Variants in SYNDIG1 observed in about 807,000 individuals in gnomAD.
SYNDIG1 encodes the protein synapse differentiation inducing 1, also known as synapse differentiation-inducing gene protein 1.
A neutral mutation model predicts 19.4 loss-of-function variants in SYNDIG1; 9 were observed. The ratio of observed to expected loss-of-function variants is 0.46; its 90% CI spans 0.28 to 0.81. The LOEUF is 0.81. Ranked by LOEUF, SYNDIG1 falls within the 30% of genes least tolerant of loss-of-function variation. The pLI, the probability that SYNDIG1 is intolerant of heterozygous loss-of-function variation, is 0.12. For missense variants in SYNDIG1, 311 were observed against 343.3 expected, an observed-to-expected ratio of 0.91 and a Z score of 0.74; for synonymous variants, 141 against 145.9, an observed-to-expected ratio of 0.97 and a Z score of 0.24.
At chr20:24,477,816 G>C (rs564558460) in intron 1 of SYNDIG1, among the ~76,000 whole-genome samples, 28 of 152,186 alleles carry the variant, frequency 1.8e-4, no homozygotes, top group Non-Finnish European at 3.7e-4. Flanking sequence ...GCTGGGGTGC[G>C]ATGGAGGGGC....
chr20:24,578,029 C>T (rs1004119601), intron 2 of SYNDIG1, among the ~76,000 whole-genome samples: 47 of 152,212 alleles, frequency 3.1e-4, no homozygotes, highest in Admixed American at 2.6e-3. Context: ...AGGCCACAGG[C>T]GAATCCCTCA....
intron 1 of SYNDIG1, among the ~76,000 whole-genome samples, chr20:24,492,324 G>A (rs1215392484): frequency 6.6e-6 from 1 of 152,236 alleles, no homozygotes; most frequent in South Asian, 2.1e-4. Context: ...GCTAAGGGGT[G>A]GCTAGGAGAT....
chr20:24,661,298 G>A lies in SYNDIG1; in HGVS notation c.619-4048G>A, dbSNP rs1202613715. ...CAGAGCAAGTGAGCAGAAGAAAGAA[G>A]GAGGGAGGGAGGAAAGGGGAGGGAG... On this transcript the variant is annotated intron_variant, in intron 3 of 3. Transcript: ENST00000376862. Among the ~76,000 whole-genome samples, 5 of 150,356 alleles carry A rather than the reference G, an allele frequency of 3.3e-5. No homozygotes were observed. The East Asian group carries it at 1.0e-3, about 30-fold the overall frequency.
chr20:24,493,814 A>G (rs2056223554), intron 1 of SYNDIG1, among the ~76,000 whole-genome samples: 2 of 152,192 alleles, frequency 1.3e-5, no homozygotes. Context: ...GAGGGGAGGC[A>G]TGGCCGGGTG....
At chr20:24,605,890 G>A (rs1165692328) in intron 3 of SYNDIG1, among the ~76,000 whole-genome samples, 1 of 152,138 alleles carries the variant, frequency 6.6e-6, no homozygotes, top group African/African-American at 2.4e-5. Flanking sequence ...TTGGACTTAG[G>A]GCTCACCTCC....
chr20:24,637,714 G>C (rs533936142), intron 3 of SYNDIG1, among the ~76,000 whole-genome samples: 1 of 152,362 alleles, frequency 6.6e-6, no homozygotes, highest in African/African-American at 2.4e-5. Context: ...GCAGGCACCA[G>C]TCAAAGGTCC....
At chr20:24,617,940 G>T (rs1257347531) in intron 3 of SYNDIG1, among the ~76,000 whole-genome samples, 1 of 147,730 alleles carries the variant, frequency 6.8e-6, no homozygotes, top group African/African-American at 2.5e-5. Context: ...GGGGAGTGGG[G>T]AGAGCCTGGG....
chr20:24,577,884 G>A (rs943425117), intron 2 of SYNDIG1, among the ~76,000 whole-genome samples: 3 of 152,228 alleles, frequency 2.0e-5, no homozygotes, highest in Admixed American at 2.0e-4. Context: ...TCAGAGGTCA[G>A]GCAGCAGGGC....
At chr20:24,605,657 T>G (rs1290139464) in intron 3 of SYNDIG1, among the ~76,000 whole-genome samples, 1 of 152,226 alleles carries the variant, frequency 6.6e-6, no homozygotes, top group Non-Finnish European at 1.5e-5. Flanking sequence ...AACAAATACA[T>G]CATGTCTGCT....
At chr20:24,605,972 C>T (rs374920898) in intron 3 of SYNDIG1, among the ~76,000 whole-genome samples, 33 of 152,352 alleles carry the variant, frequency 2.2e-4, no homozygotes, top group East Asian at 1.7e-3. Context: ...TAGCATGCCT[C>T]CGACAGTAAA....
chr20:24,503,737 T>TA (rs1172781797), intron 1 of SYNDIG1, among the ~76,000 whole-genome samples: 1 of 152,144 alleles, frequency 6.6e-6, no homozygotes, highest in African/African-American at 2.4e-5. Context: ...CTACAGCTCT[T>TA]ATCTGCAGAA....
chr20:24,577,110 T>C (rs2058242177), intron 2 of SYNDIG1, among the ~76,000 whole-genome samples: 1 of 152,126 alleles, frequency 6.6e-6, no homozygotes, highest in African/African-American at 2.4e-5. Context: ...CAATGTGTGT[T>C]CAAATATGAA....
At chr20:24,646,845 T>C (rs1176862846) in intron 3 of SYNDIG1, among the ~76,000 whole-genome samples, 3 of 152,152 alleles carry the variant, frequency 2.0e-5, no homozygotes, top group African/African-American at 7.2e-5. Context: ...GGTCTCGAAC[T>C]TCTGACCTCA....
chr20:24,655,793 A>T (rs1008741541), intron 3 of SYNDIG1, among the ~76,000 whole-genome samples: 17 of 144,280 alleles, frequency 1.2e-4, no homozygotes, highest in African/African-American at 4.4e-4. Flanking sequence ...AAAAAAAAAG[A>T]CTAGAATGTT....
intron 1 of SYNDIG1, among the ~76,000 whole-genome samples, chr20:24,482,723 A>G (rs866784503): frequency 6.6e-6 from 1 of 152,370 alleles, no homozygotes; most frequent in South Asian, 2.1e-4. Context: ...AATAATGATT[A>G]AATTATTCTA....
intron 1 of SYNDIG1, among the ~76,000 whole-genome samples, chr20:24,500,639 C>A (rs369782757): frequency 6.6e-6 from 1 of 151,830 alleles, no homozygotes; most frequent in Non-Finnish European, 1.5e-5. Context: ...TCGTAAAACC[C>A]AAGCGCACTG....
intron 2 of SYNDIG1, among the ~76,000 whole-genome samples, chr20:24,549,107 AT>A (rs1296891350): frequency 6.6e-6 from 1 of 152,084 alleles, no homozygotes; most frequent in African/African-American, 2.4e-5. Flanking sequence ...TTGAAACTGC[AT>A]AATATATTAT....
intron 3 of SYNDIG1, among the ~76,000 whole-genome samples, chr20:24,604,925 C>T (rs553828461): frequency 4.6e-5 from 7 of 152,222 alleles, no homozygotes; most frequent in South Asian, 4.1e-4. Context: ...TATTTTTTAA[C>T]GTCCTCAGAT....
chr20:24,486,659 A>T (rs185657001), intron 1 of SYNDIG1, among the ~76,000 whole-genome samples: 4,105 of 146,048 alleles, frequency 0.028, 173 homozygotes, highest in African/African-American at 0.088. Flanking sequence ...TATTTATTTA[A>T]TTTTTTTTTT....
Sources: gnomAD v4.1 joint callset for allele counts (sites outside exome capture counted in the v4.1 genomes callset) on GRCh38, gnomAD v4.1.1 for gene constraint, MANE v1.5 for transcripts, NCBI Gene and HGNC (gene_info 2026-07-23, HGNC 2026-07-21) for gene names.